Variants in KSR2 observed in about 807,000 individuals in gnomAD.
KSR2 encodes kinase suppressor of ras 2.
Under a neutral mutation model 107.8 loss-of-function variants are expected in KSR2, and 25 were observed. The observed-to-expected ratio is 0.23, with a 90% CI of 0.17 to 0.32. KSR2 has a LOEUF of 0.32. KSR2 is among the 10% of genes least tolerant of loss of function. KSR2 has a pLI of 1.00. For synonymous variants in KSR2, 480 were observed against 507.0 expected, an observed-to-expected ratio of 0.95 and a Z score of 0.71; for missense variants, 887 against 1,268.9, an observed-to-expected ratio of 0.70 and a Z score of 4.57.
intron 7 of KSR2, among the ~76,000 whole-genome samples, chr12:117,563,324 G>T (rs988102231): frequency 6.6e-6 from 1 of 152,140 alleles, no homozygotes; most frequent in African/African-American, 2.4e-5. Context: ...AGATGAATGG[G>T]AGCCTGAATC....
chr12:117,857,085 G>C (rs574566553), intron 2 of KSR2, among the ~76,000 whole-genome samples: 1 of 151,730 alleles, frequency 6.6e-6, no homozygotes. Flanking sequence ...ATAGAGACAG[G>C]GTCTCCCTCT....
intron 5 of KSR2, among the ~76,000 whole-genome samples, chr12:117,659,224 C>G (rs140455108): frequency 4.6e-5 from 7 of 152,246 alleles, no homozygotes; most frequent in African/African-American, 1.7e-4. Flanking sequence ...CTAACGCCAA[C>G]CACTTACCTA....
rs553884373 is a variant in KSR2, at chr12:117,603,877, C to T, written c.1172-21518G>A. 1.2e-4 allele frequency among the ~76,000 whole-genome samples: 18 copies of T among 152,320 alleles called. No individual in the cohort carries two copies. The South Asian group carries it at 3.5e-3, about 30-fold the overall frequency. ...CCCTAAGGGCTAAACAGAAACCAGC[C>T]CTTTCAGACTCCACTGCTGATATCA... On this transcript the variant is annotated intron_variant, in intron 5 of 19. Coordinates refer to ENST00000339824, the MANE Select transcript of KSR2 (RefSeq NM_173598.6).
At chr12:117,798,699 G>A in intron 3 of KSR2, among the ~76,000 whole-genome samples, 1 of 103,900 alleles carries the variant, frequency 9.6e-6, no homozygotes, top group African/African-American at 4.8e-5. Flanking sequence ...GGGGAGGTAG[G>A]CAAAAAGTCC....
At chr12:117,540,404 ATTT>A (rs1288836646) in intron 9 of KSR2, among the ~76,000 whole-genome samples, 1 of 152,114 alleles carries the variant, frequency 6.6e-6, no homozygotes, top group South Asian at 2.1e-4. Flanking sequence ...CCATGTGTGC[ATTT>A]TCGGAATGGC....
intron 10 of KSR2, among the ~76,000 whole-genome samples, chr12:117,539,006 A>G (rs1876260900): frequency 6.6e-6 from 1 of 152,164 alleles, no homozygotes; most frequent in African/African-American, 2.4e-5. Flanking sequence ...CTTAGGTCTA[A>G]TGACAAAGGA....
chr12:117,763,509 G>A (rs115385124), intron 3 of KSR2, among the ~76,000 whole-genome samples: 261 of 152,262 alleles, frequency 1.7e-3, no homozygotes, highest in African/African-American at 6.1e-3. Context: ...CAAATGTGCA[G>A]GCTTCAAAAC....
Position 117,935,133 on chromosome 12 carries a change from A to ATTC in KSR2, c.180+32940_180+32942dup, listed in dbSNP as rs910838213. On this transcript the variant is annotated intron_variant, in intron 1 of 19. Transcript: ENST00000339824. ...CTGAGCCACCTTGCCCTGCCTTCTT[A>ATTC]TTCTTCTTCTTTTTTCACACAGGGT... Among the ~76,000 whole-genome samples the ATTC allele has an allele frequency of 1.7e-4, 25 of 151,242 alleles. 1 individual carries two copies. Among genetic ancestry groups the ATTC allele is most frequent in the African/African-American group, 5.8e-4 (24 of 41,182 alleles).
At chr12:117,630,242 T>G (rs1882740146) in intron 5 of KSR2, among the ~76,000 whole-genome samples, 1 of 152,214 alleles carries the variant, frequency 6.6e-6, no homozygotes, top group African/African-American at 2.4e-5. Context: ...TGACACATAC[T>G]GTAGGTGCTC....
At chr12:117,887,501 CA>C in intron 1 of KSR2, among the ~76,000 whole-genome samples, 1 of 152,150 alleles carries the variant, frequency 6.6e-6, no homozygotes, top group East Asian at 1.9e-4. Flanking sequence ...CCAGCATACC[CA>C]GGCCTGGTGG....
chr12:117,640,095 C>T (rs1190418092), intron 5 of KSR2, among the ~76,000 whole-genome samples: 1 of 146,470 alleles, frequency 6.8e-6, no homozygotes, highest in Non-Finnish European at 1.5e-5. Context: ...TTGGTGGTAT[C>T]GAATCCATTC....
At chr12:117,604,799 G>T (rs1593041770) in intron 5 of KSR2, among the ~76,000 whole-genome samples, 2 of 152,140 alleles carry the variant, frequency 1.3e-5, no homozygotes, top group Non-Finnish European at 2.9e-5. Flanking sequence ...CAGGAAGAGT[G>T]GGACTGCAGC....
chr12:117,847,032 T>C (rs1228725155), intron 3 of KSR2, among the ~76,000 whole-genome samples: 1 of 152,226 alleles, frequency 6.6e-6, no homozygotes, highest in Non-Finnish European at 1.5e-5. Context: ...GCGAGAGTCC[T>C]AATTTGATGC....
At chr12:117,773,883 G>T (rs1889595198) in intron 3 of KSR2, among the ~76,000 whole-genome samples, 1 of 152,126 alleles carries the variant, frequency 6.6e-6, no homozygotes. Context: ...CCTACCATGT[G>T]CCAGATACTA....
intron 3 of KSR2, among the ~76,000 whole-genome samples, chr12:117,800,985 T>C (rs1045525107): frequency 6.6e-6 from 1 of 152,230 alleles, no homozygotes; most frequent in Non-Finnish European, 1.5e-5. Flanking sequence ...ATTTTCTTTA[T>C]CCAGTCTATC....
At chr12:117,804,406 T>C (rs533328954) in intron 3 of KSR2, among the ~76,000 whole-genome samples, 1 of 152,308 alleles carries the variant, frequency 6.6e-6, no homozygotes, top group East Asian at 1.9e-4. Flanking sequence ...ACAAAGACCA[T>C]ATGGCCTTTG....
At chr12:117,846,579 C>T (rs1892713840) in intron 3 of KSR2, among the ~76,000 whole-genome samples, 2 of 152,176 alleles carry the variant, frequency 1.3e-5, no homozygotes, top group South Asian at 2.1e-4. Context: ...GCTAGGATCA[C>T]AGGCATAAAC....
rs1036223248 is a variant in KSR2 at position 117,826,816 on chromosome 12, G to A, written c.472+28612C>T. On this transcript the variant is annotated intron_variant, in intron 3 of 19. Transcript: ENST00000339824. ...AACATCATGGACAGCTGGGCGCAGT[G>A]GCTCATGCCTGTAATCCCAGCAATT... Among the ~76,000 whole-genome samples, 8 of 152,190 alleles carry A rather than the reference G, an allele frequency of 5.3e-5. No homozygotes were observed. In the South Asian group the frequency reaches 1.5e-3, roughly 28 times the overall value.
chr12:117,690,750 G>T lies in KSR2; in HGVS notation c.987-23092C>A, dbSNP rs569935320. On this transcript the variant is annotated intron_variant, in intron 4 of 19. Transcript: ENST00000339824. ...TGCCAGCACACAGGTTAATTAAATGGCAGTGACCTTAAAAACAACAACAAC... is the reference window on the plus strand; with the variant it reads ...TGCCAGCACACAGGTTAATTAAATGTCAGTGACCTTAAAAACAACAACAAC... Among the ~76,000 whole-genome samples, 28 of 152,248 alleles carry T rather than the reference G, an allele frequency of 1.8e-4. No homozygotes were observed. In the East Asian group the frequency reaches 4.8e-3, roughly 26 times the overall value.
Sources: gnomAD v4.1 joint callset for allele counts (sites outside exome capture counted in the v4.1 genomes callset) on GRCh38, gnomAD v4.1.1 for gene constraint, MANE v1.5 for transcripts, NCBI Gene and HGNC (gene_info 2026-07-23, HGNC 2026-07-21) for gene names.